PARD3: variants seen among roughly 807,000 people sequenced by gnomAD.
PARD3 encodes partitioning defective 3 homolog.
In PARD3, 75 loss-of-function variants were observed where a neutral mutation model predicts 155.4. The ratio of observed to expected loss-of-function variants is 0.48; its 90% CI spans 0.40 to 0.58. The LOEUF (loss-of-function observed/expected upper bound fraction) is 0.58. Ranked by LOEUF, PARD3 falls within the 20% of genes least tolerant of loss-of-function variation. The pLI, the probability that PARD3 is intolerant of heterozygous loss-of-function variation, is 0.00. For synonymous variants in PARD3, 576 were observed against 610.5 expected (o/e 0.94, Z 0.83); for missense variants, 1,642 against 1,721.7 (o/e 0.95, Z 0.82).
intron 2 of PARD3, among the ~76,000 whole-genome samples, chr10:34,566,206 CAG>C (rs1304853259): frequency 6.6e-6 from 1 of 152,186 alleles, no homozygotes; most frequent in Non-Finnish European, 1.5e-5. Context: ...GATGGACAAA[CAG>C]GGGGGCTTGT....
At chr10:34,408,303 AAT>A (rs1297532073) in intron 5 of PARD3, among the ~76,000 whole-genome samples, 1 of 152,178 alleles carries the variant, frequency 6.6e-6, no homozygotes, top group East Asian at 1.9e-4. Context: ...CAGTAAATAA[AAT>A]ATTTTAATGA....
chr10:34,333,192 T>C (rs1335930311), intron 18 of PARD3, among the ~76,000 whole-genome samples: 1 of 152,140 alleles, frequency 6.6e-6, no homozygotes, highest in African/African-American at 2.4e-5. Flanking sequence ...AAAGATTTCA[T>C]GCTTCCAGAA....
intron 23 of PARD3, 148 bp from the exon 24 acceptor site, chr10:34,119,888 A>C (rs1310942923): frequency 2.8e-6 from 2 of 707,792 alleles, no homozygotes; most frequent in Non-Finnish European, 4.3e-6. Context: ...CTTTGAGAAA[A>C]GTGGCATACA....
intron 1 of PARD3, among the ~76,000 whole-genome samples, chr10:34,813,299 TTA>T (rs1844444744): frequency 1.3e-5 from 1 of 74,286 alleles, no homozygotes; most frequent in Admixed American, 1.5e-4. Context: ...AGAGTGCATA[TTA>T]CTTTATTTCT....
At chr10:34,368,204 A>G (rs1210468998) in intron 12 of PARD3, among the ~76,000 whole-genome samples, 1 of 152,234 alleles carries the variant, frequency 6.6e-6, no homozygotes, top group Non-Finnish European at 1.5e-5. Flanking sequence ...AGCCGACATC[A>G]GTGAACTTTG....
intron 5 of PARD3, among the ~76,000 whole-genome samples, chr10:34,449,257 T>C (rs2076925024): frequency 6.6e-6 from 1 of 151,958 alleles, no homozygotes; most frequent in Admixed American, 6.6e-5. Flanking sequence ...TATTAATATA[T>C]ACATATATAA....
intron 20 of PARD3, among the ~76,000 whole-genome samples, chr10:34,315,918 T>G (rs1332644422): frequency 6.6e-6 from 1 of 152,094 alleles, no homozygotes; most frequent in Non-Finnish European, 1.5e-5. Context: ...AAGTCTAGAG[T>G]TAACTCTCCT....
At chr10:34,475,138 G>A (rs77774417) in intron 3 of PARD3, among the ~76,000 whole-genome samples, 3,778 of 152,230 alleles carry the variant, frequency 0.025, 160 homozygotes, top group African/African-American at 0.087. Flanking sequence ...TAGAGCTAGT[G>A]ATATTTACCA....
intron 2 of PARD3, among the ~76,000 whole-genome samples, chr10:34,525,091 G>A (rs1312610325): frequency 6.6e-6 from 1 of 152,130 alleles, no homozygotes; most frequent in Non-Finnish European, 1.5e-5. Context: ...TTTAAATAGA[G>A]CTAGTGTTTA....
At chr10:34,343,505 A>T in intron 15 of PARD3, 1 of 985,176 alleles carries the variant, frequency 1.0e-6, no homozygotes. Flanking sequence ...ATAATTTAGC[A>T]TTTTTTTCTC....
intron 1 of PARD3, among the ~76,000 whole-genome samples, chr10:34,729,201 C>T (rs951569144): frequency 6.6e-6 from 1 of 152,140 alleles, no homozygotes; most frequent in African/African-American, 2.4e-5. Context: ...GAATATAAAT[C>T]CTTAAAATGC....
At chr10:34,305,341 C>T (rs2134048965) in intron 20 of PARD3, among the ~76,000 whole-genome samples, 1 of 152,296 alleles carries the variant, frequency 6.6e-6, no homozygotes, top group South Asian at 2.1e-4. Context: ...AACCCCAGAG[C>T]GCCTCCAGTG....
chr10:34,663,039 G>A (rs1303168520), intron 2 of PARD3, among the ~76,000 whole-genome samples: 1 of 152,216 alleles, frequency 6.6e-6, no homozygotes, highest in African/African-American at 2.4e-5. Flanking sequence ...GCTGGGAAGG[G>A]TGTGGGGCTG....
At chr10:34,602,600 G>C (rs1169001399) in intron 2 of PARD3, among the ~76,000 whole-genome samples, 4 of 152,142 alleles carry the variant, frequency 2.6e-5, no homozygotes, top group African/African-American at 9.7e-5. Flanking sequence ...TGCACAAGAT[G>C]GACTACTGTT....
At chr10:34,717,708 T>C (rs942501110) in intron 1 of PARD3, among the ~76,000 whole-genome samples, 1 of 152,182 alleles carries the variant, frequency 6.6e-6, no homozygotes, top group South Asian at 2.1e-4. Context: ...ATATTTACCA[T>C]GTACTCTGAC....
chr10:34,656,086 A>G lies in PARD3; in HGVS notation c.222+40232T>C, dbSNP rs376328031. Among the ~76,000 whole-genome samples, 98 of 152,338 alleles carry G rather than the reference A, an allele frequency of 6.4e-4. 1 individual carries two copies. The highest frequency in any genetic ancestry group is 2.3e-3 in the African/African-American group (97 of 41,582). On this transcript the variant is annotated intron_variant, in intron 2 of 24. Coordinates refer to ENST00000374788, the MANE Select transcript of PARD3 (RefSeq NM_001184785.2). ...AATGTCAAAATTTTTTATGGTATACAAATTTGATGTTGAAGAAAAAAGTAA... is the reference window on the plus strand; with the variant it reads ...AATGTCAAAATTTTTTATGGTATACGAATTTGATGTTGAAGAAAAAAGTAA...
intron 1 of PARD3, among the ~76,000 whole-genome samples, chr10:34,762,201 A>G (rs1007261328): frequency 6.6e-6 from 1 of 151,988 alleles, no homozygotes. Flanking sequence ...TTATCAACCC[A>G]CTTTACTAAA....
At chr10:34,252,410 CCCCGTTG>C (rs1480163650) in intron 22 of PARD3, among the ~76,000 whole-genome samples, 1 of 152,168 alleles carries the variant, frequency 6.6e-6, no homozygotes, top group African/African-American at 2.4e-5. Context: ...CCTCTCCCTT[CCCCGTTG>C]CTCTCCTTGG....
intron 22 of PARD3, among the ~76,000 whole-genome samples, chr10:34,246,376 C>T (rs997670036): frequency 6.6e-6 from 1 of 152,194 alleles, no homozygotes; most frequent in East Asian, 1.9e-4. Context: ...ATGGCTAAGA[C>T]TGTAACCCCT....
Sources: allele counts gnomAD v4.1 joint callset (sites outside exome capture counted in the v4.1 genomes callset), GRCh38; gene constraint gnomAD v4.1.1; transcripts MANE v1.5; gene names NCBI Gene and HGNC (gene_info 2026-07-23, HGNC 2026-07-21).